Variants in HOXA3 observed in about 807,000 individuals in gnomAD.
The protein encoded by HOXA3 is homeobox protein Hox-A3.
Under a neutral mutation model 30.3 loss-of-function variants are expected in HOXA3, and 8 were observed. The ratio of observed to expected loss-of-function variants is 0.26; its 90% CI spans 0.15 to 0.48. HOXA3 has a LOEUF of 0.48. Ranked by LOEUF, HOXA3 falls within the 20% of genes least tolerant of loss-of-function variation. The pLI, the probability that HOXA3 is intolerant of heterozygous loss-of-function variation, is 0.99. For synonymous variants in HOXA3, 323 were observed against 273.1 expected, an observed-to-expected ratio of 1.18 and a Z score of -1.80; for missense variants, 653 against 614.4, an observed-to-expected ratio of 1.06 and a Z score of -0.66.
At position 27,108,149 on chromosome 7, in the gene HOXA3, G is replaced by A. The variant is rs1772664256; in HGVS notation, c.1098C>T (p.Phe366=). Residue 366 remains phenylalanine, a synonymous_variant, in exon 6 of 6, where the codon TTC becomes TTT. Coordinates refer to ENST00000612286, the MANE Select transcript of HOXA3 (RefSeq NM_153631.3). This position sits in a 1 kb window ranked among gnomAD's most constrained non-coding sequence, Gnocchi z 5.0. ...TGGGCTCCACATAGCTGCCCCCCAC[G>A]AAGACGGGGCTTCCCTGTATGTGTG... is the stretch of plus-strand genomic sequence containing the variant. ...GTPHIQGSPV[F]VGGSYVEPMS... 1 of 1,585,234 alleles carries A rather than the reference G, an allele frequency of 6.3e-7. No homozygotes were observed. Among genetic ancestry groups the A allele is most frequent in the Non-Finnish European group, 8.6e-7 (1 of 1,162,344 alleles).
At chr7:27,147,622 C>G (rs763114537) in intron 1 of HOXA3, 1 of 1,614,234 alleles carries the variant, frequency 6.2e-7, no homozygotes, top group Non-Finnish European at 8.5e-7. Context: ...ACTCGACGCC[C>G]CGTACGAGGC....
At chr7:27,129,710 A>G (rs1424635450) in intron 2 of HOXA3, 3 of 932,112 alleles carry the variant, frequency 3.2e-6, no homozygotes, top group Non-Finnish European at 5.0e-6. Flanking sequence ...AAGTTCACGC[A>G]AGATACATAA....
chr7:27,134,609 T>C lies in HOXA3; in HGVS notation c.-390+5474A>G, dbSNP rs80283965. On this transcript the variant is annotated intron_variant, in intron 2 of 5. Transcript: ENST00000612286. Reference sequence around the variant, plus strand: ...GTTTTCCTCATTTCACTAGCCCAAATGTGGTGAAATGTTCACTGCTGCAAC... The same window carrying C: ...GTTTTCCTCATTTCACTAGCCCAAACGTGGTGAAATGTTCACTGCTGCAAC... Among the ~76,000 whole-genome samples, 277 of 152,356 alleles carry C rather than the reference T, an allele frequency of 1.8e-3. 1 individual carries two copies. Among genetic ancestry groups the C allele is most frequent in the South Asian group, 7.7e-3 (37 of 4,820 alleles).
intron 4 of HOXA3, chr7:27,116,387 T>C (rs890591002): frequency 4.6e-5 from 7 of 152,598 alleles, no homozygotes; most frequent in African/African-American, 1.4e-4. Context: ...AATCACAGAA[T>C]AGAGAGGAAA....
At chr7:27,114,844 TA>T (rs1784607449) in intron 4 of HOXA3, among the ~76,000 whole-genome samples, 4 of 103,422 alleles carry the variant, frequency 3.9e-5, no homozygotes, top group African/African-American at 1.0e-4. Context: ...ATTATATATA[TA>T]ATATATATTA....
chr7:27,151,423 G>A (rs1782968766), intron 1 of HOXA3: 1 of 342,754 alleles, frequency 2.9e-6, no homozygotes, highest in East Asian at 9.1e-5. Flanking sequence ...AAGGTGGATT[G>A]GGGGGTCCCC....
chr7:27,115,336 G>T (rs1784658306), intron 4 of HOXA3: 1 of 152,126 alleles, frequency 6.6e-6, no homozygotes, highest in South Asian at 2.1e-4. Context: ...GCAAACACTT[G>T]CTCCTTATGG....
chr7:27,125,167 C>T (rs1562719867), intron 3 of HOXA3, among the ~76,000 whole-genome samples: 2 of 152,350 alleles, frequency 1.3e-5, no homozygotes, highest in East Asian at 3.9e-4. Flanking sequence ...GATGTCTGTG[C>T]TCTTATTGCT....
rs748418865 is a variant in HOXA3, at chr7:27,143,219, G to T, written c.-493-3033C>A. On this transcript the variant is annotated intron_variant, in intron 1 of 5. Transcript: ENST00000612286. ...GCTGATGTGGGTGCTGCCGGCGTCG[G>T]CCGAGGCGCCGCTGGAGTTGCTTAG... The T allele has an allele frequency of 1.9e-6, 3 of 1,610,148 alleles. No individual in the cohort carries two copies. In the Admixed American group the frequency reaches 5.0e-5, roughly 27 times the overall value.
Position 27,144,270 on chromosome 7 carries a change from T to C in HOXA3, c.-493-4084A>G, listed in dbSNP as rs927805356. The stretch of plus-strand genomic sequence containing the variant: ...GGAAGGGGGAAAGCCATTTAGCCAA[T>C]TGGAGAAATAAATCCTGCCCGCAGC... On this transcript the variant is annotated intron_variant, in intron 1 of 5. Coordinates refer to ENST00000612286, the MANE Select transcript of HOXA3 (RefSeq NM_153631.3). Among the ~76,000 whole-genome samples, 8 of 152,284 alleles carry C rather than the reference T, an allele frequency of 5.3e-5. No individual in the cohort carries two copies. In the East Asian group the frequency reaches 1.2e-3, roughly 22 times the overall value.
intron 2 of HOXA3, among the ~76,000 whole-genome samples, chr7:27,138,207 T>C (rs1171821024): frequency 6.6e-6 from 1 of 152,214 alleles, no homozygotes; most frequent in Non-Finnish European, 1.5e-5. Flanking sequence ...TTTACTTTAA[T>C]AGGTTACACA....
chr7:27,130,848 CCCT>C, intron 2 of HOXA3: 1 of 1,065,468 alleles, frequency 9.4e-7, no homozygotes. Flanking sequence ...TGCGCCCTTC[CCCT>C]CCCCCCGCTG....
chr7:27,143,245 G>T (rs1436990637), intron 1 of HOXA3: 1 of 1,609,442 alleles, frequency 6.2e-7, no homozygotes, highest in East Asian at 2.2e-5. Flanking sequence ...AGTTGCTTAG[G>T]GAGTTTTTCC....
chr7:27,126,240 C>CGATTT (rs1785277300), intron 3 of HOXA3, among the ~76,000 whole-genome samples: 1 of 152,162 alleles, frequency 6.6e-6, no homozygotes, highest in South Asian at 2.1e-4. Flanking sequence ...CGATTTAGGT[C>CGATTT]GATTTCAGAT....
intron 4 of HOXA3, chr7:27,114,063 G>A (rs1053239559): frequency 6.6e-6 from 1 of 151,768 alleles, no homozygotes; most frequent in Non-Finnish European, 1.5e-5. Context: ...GTGTTGGGGC[G>A]GGCGGGAGGG....
At chr7:27,144,990 C>T (rs979780521) in intron 1 of HOXA3, among the ~76,000 whole-genome samples, 1 of 152,124 alleles carries the variant, frequency 6.6e-6, no homozygotes, top group Non-Finnish European at 1.5e-5. Flanking sequence ...ATGTTCCACC[C>T]GCGCCCAGGT....
In HOXA3 at chr7:27,129,994, C is replaced by A. The variant is rs558119579; in HGVS notation, c.-389-2924G>T. The A allele has an allele frequency of 6.4e-5, 74 of 1,158,544 alleles. No homozygotes were observed. The African/African-American group carries it at 1.0e-3, about 16-fold the overall frequency. 71.8% of individuals were successfully genotyped at this position (1,158,544 alleles called of 1,614,324 possible). ...CACATACCCACATCTCACCGCAGCC[C>A]GGGTCAGATGGGGGCTCCCCTCCCG... On this transcript the variant is annotated intron_variant, in intron 2 of 5. Coordinates refer to ENST00000612286, the MANE Select transcript of HOXA3 (RefSeq NM_153631.3).
At chr7:27,114,744 T>TACACACGCACACAC (rs1554336643) in intron 4 of HOXA3, among the ~76,000 whole-genome samples, 5 of 93,444 alleles carry the variant, frequency 5.4e-5, no homozygotes, top group Admixed American at 4.1e-4. Context: ...ACCGACATCA[T>TACACACGCACACAC]ACACACACAC....
chr7:27,145,789 C>T (rs759230509), intron 1 of HOXA3: 7 of 1,614,246 alleles, frequency 4.3e-6, no homozygotes, highest in Non-Finnish European at 5.9e-6. Context: ...AGGCAGAGCG[C>T]GTTGGCGATC....
Sources: gnomAD v4.1 joint callset for allele counts (sites outside exome capture counted in the v4.1 genomes callset) on GRCh38, gnomAD v4.1.1 for gene constraint, Gnocchi (gnomAD v3.1) non-coding constraint, MANE v1.5 for transcripts, NCBI Gene and HGNC (gene_info 2026-07-23, HGNC 2026-07-21) for gene names.